CELF2: variants seen among roughly 807,000 people sequenced by gnomAD.
CELF2 encodes the protein CUG triplet repeat RNA-binding protein 2.
In CELF2, 8 loss-of-function variants were observed where a neutral mutation model predicts 62.6. The observed-to-expected ratio is 0.13, with a 90% CI of 0.07 to 0.23. CELF2 has a LOEUF of 0.23. Ranked by LOEUF, CELF2 falls within the 10% of genes least tolerant of loss-of-function variation. The pLI is 1.00. For synonymous variants in CELF2, 258 were observed against 250.0 expected, an observed-to-expected ratio of 1.03 and a Z score of -0.30; for missense variants, 333 against 671.0, an observed-to-expected ratio of 0.50 and a Z score of 5.56.
chr10:11,107,583 A>G (rs1020790682), intron 1 of CELF2, among the ~76,000 whole-genome samples: 5 of 151,986 alleles, frequency 3.3e-5, no homozygotes, highest in African/African-American at 1.2e-4. Context: ...ACTATGCTAT[A>G]TTTTAACCAA....
At chr10:11,066,051 G>A (rs1284247714) in intron 1 of CELF2, among the ~76,000 whole-genome samples, 1 of 152,160 alleles carries the variant, frequency 6.6e-6, no homozygotes, top group Non-Finnish European at 1.5e-5. Flanking sequence ...CATTGTGGCT[G>A]CTGAGAGGGC....
At chr10:10,908,712 C>T (rs1350777501) in intron 1 of CELF2, among the ~76,000 whole-genome samples, 1 of 152,188 alleles carries the variant, frequency 6.6e-6, no homozygotes, top group African/African-American at 2.4e-5. Flanking sequence ...TATTTCTTTG[C>T]TATTTCCATA....
At chr10:10,732,275 G>A in the CELF2 span, among the ~76,000 whole-genome samples, 2 of 152,204 alleles carry the variant, frequency 1.3e-5, no homozygotes, top group South Asian at 4.2e-4. Context: ...GACTGTATAC[G>A]CTAATGATAT....
At chr10:10,795,123 A>T (rs1049007070), upstream of CELF2, 2 of 152,120 alleles carry the variant, frequency 1.3e-5, no homozygotes, top group Non-Finnish European at 2.9e-5. Flanking sequence ...CCACCGAAGA[A>T]ACCAAAGGAA....
intron 1 of CELF2, among the ~76,000 whole-genome samples, chr10:11,047,174 A>C (rs577828567): frequency 6.6e-6 from 1 of 152,302 alleles, no homozygotes; most frequent in South Asian, 2.1e-4. Context: ...CTTGCTACTT[A>C]GAAGGGAATA....
intron 1 of CELF2, among the ~76,000 whole-genome samples, chr10:10,898,940 A>G (rs1006982684): frequency 2.0e-5 from 3 of 152,270 alleles, no homozygotes; most frequent in Admixed American, 1.3e-4. Flanking sequence ...ATTATAAATC[A>G]GTAGGAAATC....
intron 2 of CELF2, among the ~76,000 whole-genome samples, chr10:10,953,727 C>T (rs897812694): frequency 2.7e-4 from 41 of 151,234 alleles, no homozygotes; most frequent in Non-Finnish European, 4.0e-4. Flanking sequence ...ACCCAAAAGC[C>T]GTAAGAGAAA....
At chr10:10,757,433 T>G in the CELF2 span, among the ~76,000 whole-genome samples, 11 of 152,140 alleles carry the variant, frequency 7.2e-5, no homozygotes, top group African/African-American at 2.7e-4. Flanking sequence ...ACTGTCTCTG[T>G]CTCTTAAAAC....
intron 1 of CELF2, among the ~76,000 whole-genome samples, chr10:11,164,385 G>A (rs619129): frequency 0.48 from 73,235 of 152,068 alleles, 18,528 homozygotes; most frequent in East Asian, 0.81. Context: ...CTAGAAGTGC[G>A]GGCTGTACAC....
At chr10:10,845,403 T>G (rs934544752) in intron 1 of CELF2, among the ~76,000 whole-genome samples, 1 of 148,674 alleles carries the variant, frequency 6.7e-6, no homozygotes, top group African/African-American at 2.5e-5. Flanking sequence ...CTGTGGAAAC[T>G]CCCTTAAACT....
At chr10:10,770,922 A>G in the CELF2 span, among the ~76,000 whole-genome samples, 1 of 152,206 alleles carries the variant, frequency 6.6e-6, no homozygotes, top group Admixed American at 6.5e-5. Context: ...CTGTTTAAAT[A>G]CTAAGCCCCT....
chr10:10,819,932 G>C (rs2056816055), intron 1 of CELF2, among the ~76,000 whole-genome samples: 1 of 151,926 alleles, frequency 6.6e-6, no homozygotes, highest in Admixed American at 6.6e-5. Flanking sequence ...GTTTGGCTTT[G>C]TCCCCACCAA....
In CELF2 at chr10:11,267,680, TTGTTTGTTTG is replaced by T. The variant is rs920344931; in HGVS notation, c.618+1005_618+1014del. On this transcript the variant is annotated intron_variant, in intron 6 of 12. Coordinates refer to ENST00000633077, the MANE Select transcript of CELF2 (RefSeq NM_001326342.2). The surrounding 1 kb of genome is among the most constrained non-coding windows in gnomAD (Gnocchi z 4.4). ...CCCATTTTGTTGGGGTTTTATTTTT[TTGTTTGTTTG>T]TTTTTGTTTGTTTTTTGCAATGCTG... Among the ~76,000 whole-genome samples, 2 of 152,208 alleles carry T rather than the reference TTGTTTGTTTG, an allele frequency of 1.3e-5. No individual in the cohort carries two copies. The highest frequency in any genetic ancestry group is 4.8e-5 in the African/African-American group (2 of 41,462).
chr10:10,516,325 T>TATTTTTGACAAGTGCATGTAAGG, the CELF2 span, among the ~76,000 whole-genome samples: 34 of 152,214 alleles, frequency 2.2e-4, no homozygotes, highest in Non-Finnish European at 1.5e-5. Context: ...GTCATCTTGA[T>TATTTTTGACAAGTGCATGTAAGG]ATTTTTGACA....
At chr10:10,555,176 A>G in the CELF2 span, among the ~76,000 whole-genome samples, 1 of 152,214 alleles carries the variant, frequency 6.6e-6, no homozygotes, top group East Asian at 1.9e-4. Context: ...GATAGAGGTA[A>G]GTCACCCCAA....
rs1238066260 is a variant in CELF2 at position 10,928,036 on chromosome 10, C to A, written c.89+8037C>A. ...ACTTTCTTTCTCATTTATTTTGCTT[C>A]TGACACACCGGCCTTTCTCCGCACT... On this transcript the variant is annotated intron_variant, in intron 2 of 13. Coordinates refer to the CELF2 transcript ENST00000636488. This position sits in a 1 kb window ranked among gnomAD's most constrained non-coding sequence, Gnocchi z 4.8. Among the ~76,000 whole-genome samples the A allele has an allele frequency of 2.6e-5, 4 of 152,182 alleles. No homozygotes were observed. Among genetic ancestry groups the A allele is most frequent in the Non-Finnish European group, 5.9e-5 (4 of 68,028 alleles).
At chr10:10,576,689 ACCT>A in the CELF2 span, among the ~76,000 whole-genome samples, 1 of 151,972 alleles carries the variant, frequency 6.6e-6, no homozygotes, top group Non-Finnish European at 1.5e-5. Context: ...TAGCCCCTTC[ACCT>A]CCTTCAGGGT....
intron 1 of CELF2, among the ~76,000 whole-genome samples, chr10:10,862,582 A>G (rs2060108610): frequency 6.6e-6 from 1 of 152,234 alleles, no homozygotes; most frequent in Admixed American, 6.5e-5. Flanking sequence ...AAGTTATTCA[A>G]CATCACTTTC....
the CELF2 span, among the ~76,000 whole-genome samples, chr10:10,724,826 A>C: frequency 6.6e-6 from 1 of 152,162 alleles, no homozygotes; most frequent in African/African-American, 2.4e-5. Context: ...AAATTTCTTT[A>C]AAAATGGCTC....
Sources: allele counts gnomAD v4.1 joint callset (sites outside exome capture counted in the v4.1 genomes callset), GRCh38; gene constraint gnomAD v4.1.1; non-coding constraint Gnocchi (gnomAD v3.1); transcripts MANE v1.5; gene names NCBI Gene and HGNC (gene_info 2026-07-23, HGNC 2026-07-21).